The following MCPH1 variants were observed in gnomAD, a reference collection of about 807,000 sequenced individuals.
MCPH1 encodes microcephalin.
MCPH1 carries 104 observed loss-of-function variants against 84.5 expected under a neutral mutation model. That is an observed-to-expected ratio of 1.23 (90% CI 1.05 to 1.45). The LOEUF (loss-of-function observed/expected upper bound fraction) is 1.45, where lower values mean the gene tolerates loss of function less well. MCPH1 is among the 40% of genes most tolerant of loss of function. The pLI is 0.00. For synonymous variants in MCPH1, 514 were observed against 366.8 expected (o/e 1.40, Z -4.58); for missense variants, 1,498 against 1,005.7 (o/e 1.49, Z -6.62).
intron 9 of MCPH1, among the ~76,000 whole-genome samples, chr8:6,455,978 C>T (rs1200935015): frequency 1.3e-5 from 2 of 152,092 alleles, no homozygotes; most frequent in African/African-American, 2.4e-5. Flanking sequence ...CTTCCAGGTC[C>T]TGATACGCAG....
intron 9 of MCPH1, among the ~76,000 whole-genome samples, chr8:6,466,560 G>A (rs1485309449): frequency 2.0e-5 from 3 of 152,254 alleles, no homozygotes; most frequent in African/African-American, 7.2e-5. Context: ...GCCCGCCTTG[G>A]TCTCCCAAAG....
At chr8:6,506,013 GTATA>G (rs367554962) in intron 12 of MCPH1, among the ~76,000 whole-genome samples, 1 of 134,650 alleles carries the variant, frequency 7.4e-6, no homozygotes, top group Non-Finnish European at 1.6e-5. Flanking sequence ...CTTTATATAT[GTATA>G]TATATAAAAA....
At chr8:6,489,638 A>T (rs1458213154) in intron 11 of MCPH1, among the ~76,000 whole-genome samples, 2 of 152,214 alleles carry the variant, frequency 1.3e-5, no homozygotes, top group East Asian at 3.8e-4. Flanking sequence ...CATATTGCTG[A>T]TATGTTATTC....
intron 12 of MCPH1, among the ~76,000 whole-genome samples, chr8:6,611,128 A>T (rs1297569538): frequency 4.3e-5 from 6 of 139,350 alleles, no homozygotes; most frequent in Admixed American, 4.2e-4. Flanking sequence ...TCACACACAC[A>T]CTCACACACA....
intron 3 of MCPH1, among the ~76,000 whole-genome samples, chr8:6,429,273 G>C (rs1328994919): frequency 6.6e-6 from 1 of 152,164 alleles, no homozygotes; most frequent in Non-Finnish European, 1.5e-5. Flanking sequence ...GAGCTTCTCA[G>C]GCTCCACTTA....
intron 12 of MCPH1, among the ~76,000 whole-genome samples, chr8:6,527,156 G>A (rs905711718): frequency 1.3e-5 from 2 of 152,042 alleles, no homozygotes; most frequent in African/African-American, 4.8e-5. Flanking sequence ...AGCACTAGCT[G>A]TATTTTTATA....
chr8:6,563,259 A>G, intron 12 of MCPH1: 1 of 193,982 alleles, frequency 5.2e-6, no homozygotes, highest in Non-Finnish European at 1.1e-5. Context: ...CGAATCAATC[A>G]CTTTCCTTTC....
At position 6,586,897 on chromosome 8, in the gene MCPH1, G is replaced by T. The variant is rs118097945; in HGVS notation, c.2215-34557G>T. Among the ~76,000 whole-genome samples the T allele has an allele frequency of 3.2e-3, 484 of 152,326 alleles. 4 individuals carry two copies. Among genetic ancestry groups the T allele is most frequent in the Non-Finnish European group, 4.5e-3 (304 of 68,026 alleles). On this transcript the variant is annotated intron_variant, in intron 12 of 13. Transcript: ENST00000344683. ...CCCGTAATGTAGACATCCTGACTTA[G>T]AATTCCCTGTGCTGCTTCCTTTCTG...
intron 12 of MCPH1, chr8:6,527,624 G>A (rs773644967): frequency 6.2e-6 from 10 of 1,613,848 alleles, no homozygotes; most frequent in Middle Eastern, 1.7e-4. Flanking sequence ...TTTGTTTGTC[G>A]AGAGGGAGTG....
At chr8:6,637,084 A>G (rs1188520853) in intron 13 of MCPH1, among the ~76,000 whole-genome samples, 1 of 152,196 alleles carries the variant, frequency 6.6e-6, no homozygotes, top group African/African-American at 2.4e-5. Flanking sequence ...CAAACAACAC[A>G]TGGTATCAGG....
intron 1 of MCPH1, chr8:6,407,242 T>G (rs991566901): frequency 9.8e-5 from 16 of 163,134 alleles, no homozygotes; most frequent in African/African-American, 3.6e-4. Flanking sequence ...ATGCTAATTG[T>G]TCCAATAATA....
At chr8:6,514,883 G>C (rs1815945165) in intron 12 of MCPH1, 2 of 884,702 alleles carry the variant, frequency 2.3e-6, no homozygotes, top group Admixed American at 2.0e-5. Flanking sequence ...TCAGCCGAGA[G>C]GGTTCTCTGG....
rs140013412 is a variant in MCPH1, at chr8:6,499,839, G to C, written c.2137-13G>C. On this transcript the variant is annotated splice_polypyrimidine_tract_variant and intron_variant, in intron 11 of 13. Coordinates refer to ENST00000344683, the MANE Select transcript of MCPH1 (RefSeq NM_024596.5). Reference sequence around the variant, plus strand: ...TAAATGTATAATAAATCTGCTTGTTGTGTCACTTGCAGGTGCTATGGTCTT... The same window carrying C: ...TAAATGTATAATAAATCTGCTTGTTCTGTCACTTGCAGGTGCTATGGTCTT... 4.3e-6 allele frequency: 7 copies of C among 1,611,756 alleles called. No individual in the cohort carries two copies. The African/African-American group carries it at 8.0e-5, about 18-fold the overall frequency.
chr8:6,434,688 G>C (rs965257098), intron 4 of MCPH1, among the ~76,000 whole-genome samples: 16 of 152,150 alleles, frequency 1.1e-4, no homozygotes, highest in Non-Finnish European at 2.4e-4. Context: ...CCCCAGTATA[G>C]GCATTAGCCT....
At chr8:6,617,791 C>G (rs1280619192) in intron 12 of MCPH1, among the ~76,000 whole-genome samples, 2 of 152,292 alleles carry the variant, frequency 1.3e-5, no homozygotes, top group African/African-American at 2.4e-5. Flanking sequence ...ATCCTCCCAC[C>G]TCAGCCTCCC....
intron 3 of MCPH1, among the ~76,000 whole-genome samples, chr8:6,421,980 A>G (rs1248206964): frequency 6.6e-6 from 1 of 152,172 alleles, no homozygotes; most frequent in Non-Finnish European, 1.5e-5. Context: ...TACATGTTGC[A>G]TTGCAAGGTC....
intron 12 of MCPH1, among the ~76,000 whole-genome samples, chr8:6,620,378 G>A (rs1416552558): frequency 1.3e-5 from 2 of 152,130 alleles, no homozygotes; most frequent in African/African-American, 4.8e-5. Flanking sequence ...CAGAAGAATA[G>A]TTCACTGTTT....
At chr8:6,422,595 C>T (rs903973749) in intron 3 of MCPH1, among the ~76,000 whole-genome samples, 1 of 152,198 alleles carries the variant, frequency 6.6e-6, no homozygotes, top group African/African-American at 2.4e-5. Flanking sequence ...CCCTTTCTCT[C>T]TCTCTCTATT....
At chr8:6,617,252 T>C (rs956066822) in intron 12 of MCPH1, 1 of 124,050 alleles carries the variant, frequency 8.1e-6, no homozygotes, top group African/African-American at 4.9e-5. Flanking sequence ...TATGGGTTTT[T>C]TGGTGGGGGG....
Sources: allele counts gnomAD v4.1 joint callset (sites outside exome capture counted in the v4.1 genomes callset), GRCh38; gene constraint gnomAD v4.1.1; transcripts MANE v1.5; gene names NCBI Gene and HGNC (gene_info 2026-07-23, HGNC 2026-07-21).